MIA2: variants seen among roughly 807,000 people sequenced by gnomAD.
MIA2 encodes the protein MIA SH3 domain ER export factor 2.
MIA2 carries 127 observed loss-of-function variants against 167.8 expected under a neutral mutation model. The observed-to-expected ratio is 0.76, with a 90% confidence interval of 0.66 to 0.88. The LOEUF (loss-of-function observed/expected upper bound fraction) is 0.88. Ranked by LOEUF, MIA2 falls within the 40% of genes least tolerant of loss-of-function variation. MIA2 has a pLI of 0.00. For synonymous variants in MIA2, 552 were observed against 541.9 expected, an observed-to-expected ratio of 1.02 and a Z score of -0.26; for missense variants, 1,690 against 1,624.7, an observed-to-expected ratio of 1.04 and a Z score of -0.69.
chr14:39,351,211 T>G (rs2074356711), downstream of MIA2: 1 of 152,006 alleles, frequency 6.6e-6, no homozygotes, highest in East Asian at 1.9e-4. Flanking sequence ...CAGTTGGTTG[T>G]TTTAGTATTA....
intron 13 of MIA2, among the ~76,000 whole-genome samples, chr14:39,296,609 T>TC (rs2061458906): frequency 6.8e-6 from 1 of 146,560 alleles, no homozygotes; most frequent in African/African-American, 2.5e-5. Context: ...TCTTTTCTTT[T>TC]TTTTTTTTTT....
chr14:39,289,960 G>A (rs774635436), intron 9 of MIA2, among the ~76,000 whole-genome samples: 11 of 152,132 alleles, frequency 7.2e-5, no homozygotes, highest in Admixed American at 1.3e-4. Context: ...AAGTTTGGTC[G>A]TCTTGCCTCC....
In MIA2 at chr14:39,236,930, AAC is replaced by A. The variant is rs759987952; in HGVS notation, c.126_127del (p.Asn42LysfsTer9). ...TTACATGTTTTACATAGCTTTAATA[AAC>A]AGAGTCTCAGCCATGAGAGATTATA... ...CGDLECEALI[N>X]RVSAMRDYRG... On this transcript the variant is annotated frameshift_variant, in exon 2 of 29. Coordinates refer to ENST00000640607, the MANE Select transcript of MIA2 (RefSeq NM_001329214.4). LOFTEE classifies it high-confidence loss of function. The A allele has an allele frequency of 1.9e-6, 3 of 1,607,686 alleles. No homozygotes were observed. The African/African-American group carries it at 4.0e-5, about 22-fold the overall frequency.
intron 25 of MIA2, among the ~76,000 whole-genome samples, chr14:39,329,829 G>A (rs1013566424): frequency 6.6e-6 from 1 of 152,092 alleles, no homozygotes; most frequent in Non-Finnish European, 1.5e-5. Context: ...CAACTTGATC[G>A]TGGTGGGTAA....
chr14:39,376,340 G>C (rs1331851903), intron 23 of MIA2, among the ~76,000 whole-genome samples: 1 of 152,116 alleles, frequency 6.6e-6, no homozygotes, highest in East Asian at 1.9e-4. Flanking sequence ...AATTAAATGA[G>C]TTTAACATGA....
chr14:39,311,578 C>T (rs139751012), intron 18 of MIA2, among the ~76,000 whole-genome samples: 18 of 149,712 alleles, frequency 1.2e-4, no homozygotes, highest in East Asian at 1.2e-3. Flanking sequence ...CCCGGGTTCA[C>T]GCCATTCTCC....
chr14:39,283,671 CTCTT>C (rs1018932363), intron 9 of MIA2, among the ~76,000 whole-genome samples: 2 of 152,108 alleles, frequency 1.3e-5, no homozygotes, highest in African/African-American at 4.8e-5. Flanking sequence ...CTTGTCATCT[CTCTT>C]GTCTTTTTGA....
At chr14:39,381,862 T>A (rs1000956418) in intron 23 of MIA2, among the ~76,000 whole-genome samples, 1 of 150,334 alleles carries the variant, frequency 6.7e-6, no homozygotes, top group Admixed American at 6.6e-5. Context: ...CAAGAACAAT[T>A]AAACAACACA....
At chr14:39,347,468 G>T in intron 26 of MIA2, 1 of 484,990 alleles carries the variant, frequency 2.1e-6, no homozygotes, top group Non-Finnish European at 3.7e-6. Flanking sequence ...TTAGCATTCT[G>T]CTCCAGCAGG....
chr14:39,315,670 C>T lies in MIA2; in HGVS notation c.3181-13C>T. 2 of 1,540,930 alleles carry T rather than the reference C, an allele frequency of 1.3e-6. No homozygotes were observed. Among genetic ancestry groups the T allele is most frequent in the Non-Finnish European group, 1.8e-6 (2 of 1,126,266 alleles). On this transcript the variant is annotated splice_polypyrimidine_tract_variant and intron_variant, in intron 20 of 28. Transcript: ENST00000640607. ...ATAATGGTCAGTAGCATTTTAATTACTTTCTTTTTCAGATTATTTCCCATG... is the reference window on the plus strand; with the variant it reads ...ATAATGGTCAGTAGCATTTTAATTATTTTCTTTTTCAGATTATTTCCCATG...
Position 39,302,615 on chromosome 14 carries a change from A to G in MIA2, c.2740+366A>G, listed in dbSNP as rs151185566. 2.6e-5 allele frequency among the ~76,000 whole-genome samples: 4 copies of G among 152,312 alleles called. No homozygotes were observed. The East Asian group carries it at 7.7e-4, about 29-fold the overall frequency. ...GACTAGTTTGAAGAACAAGTGTTCT[A>G]TAAATACTTCAGGATACTTCTTTTG... On this transcript the variant is annotated intron_variant, in intron 15 of 28. Transcript: ENST00000640607.
intron 9 of MIA2, among the ~76,000 whole-genome samples, chr14:39,285,621 C>T (rs2059601205): frequency 6.6e-6 from 1 of 150,570 alleles, no homozygotes; most frequent in Non-Finnish European, 1.5e-5. Context: ...GGGGCTGCCC[C>T]CCACCTCCCT....
At chr14:39,352,414 A>C (rs1259987574), downstream of MIA2, among the ~76,000 whole-genome samples, 1 of 151,996 alleles carries the variant, frequency 6.6e-6, no homozygotes, top group African/African-American at 2.4e-5. Flanking sequence ...CTCAAGTAAA[A>C]TCTTAAAAAA....
intron 22 of MIA2, among the ~76,000 whole-genome samples, chr14:39,318,628 ATG>A (rs1458898458): frequency 1.3e-5 from 2 of 152,108 alleles, no homozygotes; most frequent in Non-Finnish European, 2.9e-5. Context: ...AAATTATTAA[ATG>A]TTTTATATCT....
At chr14:39,352,408 A>C (rs1350230902), downstream of MIA2, among the ~76,000 whole-genome samples, 1 of 152,026 alleles carries the variant, frequency 6.6e-6, no homozygotes, top group Non-Finnish European at 1.5e-5. Context: ...TTCACTCTCA[A>C]GTAAAATCTT....
chr14:39,369,721 A>G (rs1480302774), intron 23 of MIA2, among the ~76,000 whole-genome samples: 1 of 152,104 alleles, frequency 6.6e-6, no homozygotes, highest in Non-Finnish European at 1.5e-5. Flanking sequence ...TGATAAATGC[A>G]TGTGCTTTGT....
intron 6 of MIA2, among the ~76,000 whole-genome samples, chr14:39,259,711 T>G (rs2054994803): frequency 6.6e-6 from 1 of 150,992 alleles, no homozygotes; most frequent in South Asian, 2.1e-4. Flanking sequence ...TTTTTTTTTT[T>G]TTTTTTTTTT....
intron 3 of MIA2, among the ~76,000 whole-genome samples, chr14:39,244,158 C>T (rs1227217738): frequency 1.3e-5 from 2 of 152,148 alleles, no homozygotes; most frequent in South Asian, 2.1e-4. Context: ...TTATAAATAG[C>T]TTTGCATAGA....
chr14:39,288,473 A>ATTTTTTTTT (rs1338351779), intron 9 of MIA2, among the ~76,000 whole-genome samples: 1 of 51,414 alleles, frequency 1.9e-5, no homozygotes, highest in Non-Finnish European at 3.0e-5. Flanking sequence ...ATATATATAT[A>ATTTTTTTTT]TATTTTTTTT....
Sources: gnomAD v4.1 joint callset for allele counts (sites outside exome capture counted in the v4.1 genomes callset) on GRCh38, gnomAD v4.1.1 for gene constraint, MANE v1.5 for transcripts, NCBI Gene and HGNC (gene_info 2026-07-23, HGNC 2026-07-21) for gene names.